FLVCR1: variants seen among roughly 807,000 people sequenced by gnomAD.
FLVCR1 encodes FLVCR choline and heme transporter 1, also known as choline/ethanolamine transporter FLVCR1.
A neutral mutation model predicts 53.6 loss-of-function variants in FLVCR1; 34 were observed. That is an observed-to-expected ratio of 0.63 (90% CI 0.48 to 0.84). The LOEUF (loss-of-function observed/expected upper bound fraction) is 0.84. FLVCR1 is among the 40% of genes least tolerant of loss of function. FLVCR1 has a pLI of 0.00. For synonymous variants in FLVCR1, 300 were observed against 286.3 expected, an observed-to-expected ratio of 1.05 and a Z score of -0.48; for missense variants, 677 against 696.7, an observed-to-expected ratio of 0.97 and a Z score of 0.32.
chr1:212,860,611 C>T (rs1024831654), intron 1 of FLVCR1, among the ~76,000 whole-genome samples: 2 of 151,984 alleles, frequency 1.3e-5, no homozygotes, highest in African/African-American at 4.8e-5. Context: ...CTTTAATTCT[C>T]CTTATAGCAC....
chr1:212,892,849 G>A (rs1338911357), intron 8 of FLVCR1, among the ~76,000 whole-genome samples: 5 of 152,200 alleles, frequency 3.3e-5, no homozygotes, highest in Admixed American at 2.6e-4. Context: ...ATTCATGGGA[G>A]GAGGTCAAAC....
At chr1:212,881,490 C>T (rs566957682) in intron 3 of FLVCR1, among the ~76,000 whole-genome samples, 1 of 151,966 alleles carries the variant, frequency 6.6e-6, no homozygotes, top group African/African-American at 2.4e-5. Flanking sequence ...AGGCGCACAC[C>T]ACTGCGCCTG....
rs1664669170 is a variant in FLVCR1, at chr1:212,873,607, G to T, written c.1024+789G>T. On this transcript the variant is annotated intron_variant, in intron 3 of 9. Coordinates refer to ENST00000366971, the MANE Select transcript of FLVCR1 (RefSeq NM_014053.4). ...GCTGACAGATATTCATCCTGACACTGTAGCTTTGACTGCAGACACCAACAC... is the reference window on the plus strand; with the variant it reads ...GCTGACAGATATTCATCCTGACACTTTAGCTTTGACTGCAGACACCAACAC... Among the ~76,000 whole-genome samples, 7 of 152,204 alleles carry T rather than the reference G, an allele frequency of 4.6e-5. No individual in the cohort carries two copies. The South Asian group carries it at 1.5e-3, about 32-fold the overall frequency.
chr1:212,890,058 G>A (rs1665152773), intron 8 of FLVCR1, among the ~76,000 whole-genome samples: 1 of 152,208 alleles, frequency 6.6e-6, no homozygotes, highest in African/African-American at 2.4e-5. Flanking sequence ...GAAATAGTAT[G>A]TGGAATCCTT....
intron 3 of FLVCR1, among the ~76,000 whole-genome samples, chr1:212,878,722 T>C (rs1664838472): frequency 6.6e-6 from 1 of 152,098 alleles, no homozygotes; most frequent in Admixed American, 6.6e-5. Flanking sequence ...AAAGATATCT[T>C]AGAATAAATA....
chr1:212,872,743 G>A lies in FLVCR1; in HGVS notation c.949G>A (p.Glu317Lys), dbSNP rs1476675229. ...AGCAGCTCTTCAAGACAGTCCCCCTGAAGAGTACTCCTATAAGAAATCAAT... is the reference window on the plus strand; with the variant it reads ...AGCAGCTCTTCAAGACAGTCCCCCTAAAGAGTACTCCTATAAGAAATCAAT... ...AQAALQDSPP[E>K]EYSYKKSIRN... The change falls in exon 3 of 10, where the codon GAA becomes AAA. Residue 317 changes from glutamate (E) to lysine (K), a missense_variant. By Grantham distance (56) the Glu-to-Lys change is moderately conservative. Transcript: ENST00000366971. 6.2e-7 allele frequency: 1 copy of A among 1,613,848 alleles called. No homozygotes were observed. The highest frequency in any genetic ancestry group is 8.5e-7 in the Non-Finnish European group (1 of 1,179,796).
In FLVCR1 at chr1:212,858,351, G is replaced by A. The variant is rs1057131599; in HGVS notation, c.-102G>A. 2.5e-5 allele frequency: 28 copies of A among 1,124,856 alleles called. No homozygotes were observed. The African/African-American group carries it at 4.2e-4, about 17-fold the overall frequency. The allele number at this position is 1,124,856 out of a possible 1,614,324, so 69.7% of individuals were successfully genotyped here. ...CACCGGGGAAGGAGCGGTGGGCCGA[G>A]GGGTTGGAGGTGGGGCCCCAGGAGG... On this transcript the variant is annotated 5_prime_UTR_variant, in exon 1 of 10. Transcript: ENST00000366971.
chr1:212,865,976 G>GTGTTTTTTTTTTTT, intron 2 of FLVCR1, among the ~76,000 whole-genome samples: 1 of 40,228 alleles, frequency 2.5e-5, no homozygotes, highest in Non-Finnish European at 6.7e-5. Flanking sequence ...AATTTTTGGG[G>GTGTTTTTTTTTTTT]TTTGGTTTTT....
chr1:212,866,474 C>CT (rs200827176), intron 2 of FLVCR1, among the ~76,000 whole-genome samples: 33,254 of 147,474 alleles, frequency 0.23, 4,229 homozygotes, highest in East Asian at 0.44. Flanking sequence ...TCTGATTTTC[C>CT]TTTTTTTTTT....
At position 212,858,404 on chromosome 1, in the gene FLVCR1, A is replaced by T; in HGVS notation, c.-49A>T. ...CTCGGGCTGTGGGCCGGGAGAGCGG[A>T]GTCGGGGAGTGGGGCGGGGGAGCGA... On this transcript the variant is annotated 5_prime_UTR_variant, in exon 1 of 10. Coordinates refer to ENST00000366971, the MANE Select transcript of FLVCR1 (RefSeq NM_014053.4). The T allele has an allele frequency of 1.4e-6, 2 of 1,407,748 alleles. No homozygotes were observed. The highest frequency in any genetic ancestry group is 3.0e-5 in the South Asian group (2 of 66,652). The allele number at this position is 1,407,748 out of a possible 1,614,324, so 87.2% of individuals were successfully genotyped here.
At chr1:212,891,823 A>G (rs1665202223) in intron 8 of FLVCR1, among the ~76,000 whole-genome samples, 1 of 152,280 alleles carries the variant, frequency 6.6e-6, no homozygotes. Context: ...GTCCTTTTGC[A>G]CCAAACAATT....
intron 9 of FLVCR1, 32 bp downstream of exon 9, chr1:212,895,085 GAAGT>G (rs772553783): frequency 1.4e-6 from 2 of 1,394,790 alleles, no homozygotes; most frequent in African/African-American, 2.8e-5. Flanking sequence ...ATACTGTTGA[GAAGT>G]ATGTATAGAA....
intron 2 of FLVCR1, among the ~76,000 whole-genome samples, chr1:212,869,676 A>C (rs539104862): frequency 1.1e-4 from 16 of 152,212 alleles, no homozygotes; most frequent in Non-Finnish European, 2.4e-4. Context: ...CCTAGCTGGG[A>C]TTAAGGTGCC....
In FLVCR1 at chr1:212,858,555, A is replaced by G; in HGVS notation, c.103A>G (p.Ser35Gly). The G allele has an allele frequency of 6.8e-7, 1 of 1,471,936 alleles. No homozygotes were observed. Among genetic ancestry groups the G allele is most frequent in the East Asian group, 2.5e-5 (1 of 40,286 alleles). The allele number at this position is 1,471,936 out of a possible 1,614,324, so 91.2% of individuals were successfully genotyped here. ...LPRGAPVGKE[S>G]VELQNGPKAG... is the part of the protein sequence containing the mutation. ...GAGGGGCGCGCCCGTTGGGAAGGAG[A>G]GCGTGGAGCTGCAGAACGGGCCCAA... The change falls in exon 1 of 10, where the codon AGC (serine) becomes GGC (glycine). Residue 35 changes from serine (S) to glycine (G), a missense_variant. Ser to Gly is a moderately conservative substitution (Grantham distance 56, BLOSUM62 0). Transcript: ENST00000366971.
At chr1:212,868,107 T>C (rs1474801847) in intron 2 of FLVCR1, among the ~76,000 whole-genome samples, 2 of 152,150 alleles carry the variant, frequency 1.3e-5, no homozygotes, top group African/African-American at 4.8e-5. Context: ...TTTAATTCTT[T>C]TTTAAGAGAT....
chr1:212,888,182 T>C (rs1382828990), intron 6 of FLVCR1, among the ~76,000 whole-genome samples, 181 bp downstream of exon 6: 2 of 152,222 alleles, frequency 1.3e-5, no homozygotes, highest in African/African-American at 4.8e-5. Context: ...TATTTAAAAT[T>C]GGTTTTTGGT....
chr1:212,895,054 G>A lies in FLVCR1; in HGVS notation c.1593+1G>A. The A allele has an allele frequency of 6.5e-7, 1 of 1,538,038 alleles. No individual in the cohort carries two copies. The highest frequency in any genetic ancestry group is 9.0e-7 in the Non-Finnish European group (1 of 1,110,720). ...AATTACAAATGTTGATGTTAAAGCT[G>A]TAAGTAATATTTTTATGATTATACT... On this transcript the variant is annotated splice_donor_variant, in intron 9 of 9. Transcript: ENST00000366971. LOFTEE classifies it high-confidence loss of function.
rs1344465412 is a variant in FLVCR1, at chr1:212,896,185, A to G, written c.*895A>G. On this transcript the variant is annotated 3_prime_UTR_variant, in exon 10 of 10. Coordinates refer to ENST00000366971, the MANE Select transcript of FLVCR1 (RefSeq NM_014053.4). ...TTCTAGTAAGATAATTTCATCATGT[A>G]TGTTACTGGCTATTTCATGATTTCA... 1 of 145,186 alleles carries G rather than the reference A, an allele frequency of 6.9e-6. No homozygotes were observed. Among genetic ancestry groups the G allele is most frequent in the East Asian group, 2.0e-4 (1 of 5,018 alleles). The allele number at this position is 145,186 out of a possible 1,614,324, so 9.0% of individuals were successfully genotyped here.
At chr1:212,866,567 T>G (rs1664439766) in intron 2 of FLVCR1, among the ~76,000 whole-genome samples, 1 of 151,988 alleles carries the variant, frequency 6.6e-6, no homozygotes, top group Non-Finnish European at 1.5e-5. Context: ...AAATCATACA[T>G]GTGATGTGTG....
Sources: gnomAD v4.1 joint callset for allele counts (sites outside exome capture counted in the v4.1 genomes callset) on GRCh38, gnomAD v4.1.1 for gene constraint, MANE v1.5 for transcripts, NCBI Gene and HGNC (gene_info 2026-07-23, HGNC 2026-07-21) for gene names.